ERV3-1: variants seen among roughly 807,000 people sequenced by gnomAD.
The protein encoded by ERV3-1 is endogenous retrovirus group 3 member 1 Env polyprotein.
A neutral mutation model predicts 24.6 loss-of-function variants in ERV3-1; 36 were observed. The ratio of observed to expected loss-of-function variants is 1.47; its 90% CI spans 1.12 to 1.94. The LOEUF (loss-of-function observed/expected upper bound fraction) is 1.94, where lower values mean the gene tolerates loss of function less well. ERV3-1 is among the 30% of genes most tolerant of loss of function. ERV3-1 has a pLI of 0.00. For synonymous variants in ERV3-1, 211 were observed against 122.6 expected (o/e 1.72, Z -4.76); for missense variants, 578 against 330.9 (o/e 1.75, Z -5.79).
chr7:65,004,713 CA>C (rs1786599971), intron 1 of ERV3-1: 1 of 152,108 alleles, frequency 6.6e-6, no homozygotes, highest in African/African-American at 2.4e-5. Flanking sequence ...CAAGTCAGGC[CA>C]CCCAATCCCT....
chr7:64,996,875 T>G (rs886659999), intron 1 of ERV3-1, among the ~76,000 whole-genome samples: 2 of 152,184 alleles, frequency 1.3e-5, no homozygotes, highest in East Asian at 3.8e-4. Flanking sequence ...CATGGGCTCC[T>G]GGGGGGCTAA....
chr7:65,006,336 A>T (rs1786649388), intron 1 of ERV3-1: 1 of 797,056 alleles, frequency 1.3e-6, no homozygotes, highest in African/African-American at 1.7e-5. Flanking sequence ...CGCAGGGAGG[A>T]GACAGGATGC....
At position 64,991,015 on chromosome 7, in the gene ERV3-1, T is replaced by A; in HGVS notation, c.*197A>T. ...TAGCTCTTTTCTTGGCAGGGGTTAA[T>A]ACTTAGTTAGGGCCATTAGTCGTGT... On this transcript the variant is annotated 3_prime_UTR_variant, in exon 2 of 2. Transcript: ENST00000394323. The A allele has an allele frequency of 2.1e-6, 1 of 469,152 alleles. No individual in the cohort carries two copies. Among genetic ancestry groups the A allele is most frequent in the Non-Finnish European group, 3.8e-6 (1 of 266,144 alleles). The allele number at this position is 469,152 out of a possible 1,614,324, so 29.1% of individuals were successfully genotyped here. A position where few individuals can be genotyped will look rare whatever the true frequency, so the allele number is the denominator to read the frequency against.
At chr7:64,999,099 C>T (rs995250445) in intron 1 of ERV3-1, among the ~76,000 whole-genome samples, 3 of 152,138 alleles carry the variant, frequency 2.0e-5, no homozygotes, top group Admixed American at 2.0e-4. Flanking sequence ...GGGACGGGTC[C>T]TGCCTTGGGC....
chr7:64,994,874 G>C (rs1378334786), intron 1 of ERV3-1, among the ~76,000 whole-genome samples: 3 of 152,238 alleles, frequency 2.0e-5, no homozygotes, highest in African/African-American at 7.2e-5. Flanking sequence ...CTGAGTCTAA[G>C]GTCACCACTG....
chr7:64,998,735 C>T (rs1786456698), intron 1 of ERV3-1, among the ~76,000 whole-genome samples: 3 of 152,084 alleles, frequency 2.0e-5, no homozygotes, highest in Admixed American at 2.0e-4. Flanking sequence ...CGGACCACCA[C>T]AATCTATAAG....
intron 1 of ERV3-1, among the ~76,000 whole-genome samples, chr7:64,995,359 C>G (rs1191783980): frequency 2.0e-5 from 3 of 152,216 alleles, no homozygotes; most frequent in Non-Finnish European, 2.9e-5. Flanking sequence ...TGAGTCAGGA[C>G]CCCTATAGCC....
intron 1 of ERV3-1, among the ~76,000 whole-genome samples, chr7:65,002,496 A>AT (rs1786545215): frequency 9.2e-6 from 1 of 108,602 alleles, no homozygotes; most frequent in Admixed American, 1.1e-4. Flanking sequence ...GCTAATTTTT[A>AT]TATTTTTTTT....
rs1383916629 is a variant in ERV3-1, at chr7:64,997,737, A to T, written c.-388-4323T>A. On this transcript the variant is annotated intron_variant, in intron 1 of 1. Coordinates refer to ENST00000394323, the MANE Select transcript of ERV3-1 (RefSeq NM_001007253.4). ...TTCCTCGGTGTTAAACAGTGTCAGG[A>T]GGAGCTGTTTGCAATCTGGCCACGT... Among the ~76,000 whole-genome samples, 4 of 152,152 alleles carry T rather than the reference A, an allele frequency of 2.6e-5. No individual in the cohort carries two copies. In the East Asian group the frequency reaches 7.7e-4, roughly 29 times the overall value.
chr7:64,990,549 G>GC lies in ERV3-1; in HGVS notation c.*662_*663insG, dbSNP rs1554299973. On this transcript the variant is annotated 3_prime_UTR_variant, in exon 2 of 2. Transcript: ENST00000394323. ...CAGAACAAAGGCAGTTAATCATACC[G>GC]TGACAGGTTTTACAACAGGATTTGC... The GC allele has an allele frequency of 6.5e-6, 1 of 153,102 alleles. No individual in the cohort carries two copies. Among genetic ancestry groups the GC allele is most frequent in the Non-Finnish European group, 1.5e-5 (1 of 68,732 alleles). The allele number at this position is 153,102 out of a possible 1,614,324, so 9.5% of individuals were successfully genotyped here.
Position 64,996,468 on chromosome 7 carries a change from G to A in ERV3-1, c.-388-3054C>T, listed in dbSNP as rs80070996. Among the ~76,000 whole-genome samples, 1,323 of 152,206 alleles carry A rather than the reference G, an allele frequency of 8.7e-3. 20 individuals are homozygous for A. Among genetic ancestry groups the A allele is most frequent in the African/African-American group, 0.031 (1,270 of 41,512 alleles). On this transcript the variant is annotated intron_variant, in intron 1 of 1. Transcript: ENST00000394323. ...AAATAATAATTTCTCTTCCTCCTGC[G>A]TACAAGGCTGCATTGGTGCCTGTAC...
intron 1 of ERV3-1, among the ~76,000 whole-genome samples, chr7:65,003,336 G>T (rs1310781901): frequency 6.6e-6 from 1 of 152,158 alleles, no homozygotes; most frequent in Non-Finnish European, 1.5e-5. Flanking sequence ...ACAAAAATTA[G>T]CTGGGTGTGG....
At chr7:65,003,173 A>G (rs994466587) in intron 1 of ERV3-1, among the ~76,000 whole-genome samples, 6 of 152,194 alleles carry the variant, frequency 3.9e-5, no homozygotes, top group African/African-American at 1.4e-4. Flanking sequence ...TTTCCTAGAA[A>G]GAATGAACTG....
At chr7:64,996,659 A>G (rs1239198594) in intron 1 of ERV3-1, among the ~76,000 whole-genome samples, 2 of 152,126 alleles carry the variant, frequency 1.3e-5, no homozygotes, top group Non-Finnish European at 2.9e-5. Flanking sequence ...ATAATTGGGG[A>G]GATACAGGAA....
At position 64,991,426 on chromosome 7, in the gene ERV3-1, T is replaced by C; in HGVS notation, c.1601A>G (p.Asn534Ser). The change falls in exon 2 of 2, where the codon AAT becomes AGT. Residue 534 changes from asparagine (N) to serine (S), a missense_variant. Transcript: ENST00000394323. ...TTTTGTGGCTTGCTGGGCAAGCAGATTCAAGGCCCCTGCAGTTTCATTGGT... is the reference window on the plus strand; with the variant it reads ...TTTTGTGGCTTGCTGGGCAAGCAGACTCAAGGCCCCTGCAGTTTCATTGGT... ...IITNETAGAL[N>S]LLAQQATKMR... 1 of 704,104 alleles carries C rather than the reference T, an allele frequency of 1.4e-6. No homozygotes were observed. Among genetic ancestry groups the C allele is most frequent in the Non-Finnish European group, 2.6e-6 (1 of 384,962 alleles). The allele number at this position is 704,104 out of a possible 1,614,324, so 43.6% of individuals were successfully genotyped here. A position where few individuals can be genotyped will look rare whatever the true frequency, so the allele number is the denominator to read the frequency against.
At chr7:64,995,557 T>A (rs897478696) in intron 1 of ERV3-1, among the ~76,000 whole-genome samples, 2 of 152,130 alleles carry the variant, frequency 1.3e-5, no homozygotes, top group Non-Finnish European at 2.9e-5. Context: ...AGTGAGAAAT[T>A]TGGGATCCAG....
At chr7:64,994,558 C>A (rs1158554403) in intron 1 of ERV3-1, among the ~76,000 whole-genome samples, 2 of 152,158 alleles carry the variant, frequency 1.3e-5, no homozygotes, top group Non-Finnish European at 2.9e-5. Context: ...TTTCTGTTTC[C>A]TTTTGCCTCT....
At chr7:64,996,189 C>T (rs1038641603) in intron 1 of ERV3-1, among the ~76,000 whole-genome samples, 1 of 152,164 alleles carries the variant, frequency 6.6e-6, no homozygotes, top group Non-Finnish European at 1.5e-5. Context: ...CTCATCAGAT[C>T]CTGGTCCAGG....
At position 64,991,855 on chromosome 7, in the gene ERV3-1, G is replaced by A. The variant is rs754296732; in HGVS notation, c.1172C>T (p.Pro391Leu). The change falls in exon 2 of 2, where the codon CCA (proline) becomes CTA (leucine). Residue 391 changes from proline (P) to leucine (L), a missense_variant. Transcript: ENST00000394323. ...GTTTAAAGATGGGAAACGAGAGAAT[G>A]GGCTTGGGTGTGGTGATTCAGAATT... ...SNNSESPHPSPFSRFPSLNHS... is the reference protein window; with the variant it reads ...SNNSESPHPSLFSRFPSLNHS... 1.3e-5 allele frequency: 10 copies of A among 766,338 alleles called. No individual in the cohort carries two copies. In the South Asian group the frequency reaches 1.3e-4, roughly 10 times the overall value. 47.5% of individuals were successfully genotyped at this position (766,338 alleles called of 1,614,324 possible).
Sources: gnomAD v4.1 joint callset for allele counts (sites outside exome capture counted in the v4.1 genomes callset) on GRCh38, gnomAD v4.1.1 for gene constraint, MANE v1.5 for transcripts, NCBI Gene and HGNC (gene_info 2026-07-23, HGNC 2026-07-21) for gene names.